FHIT: variants seen among roughly 807,000 people sequenced by gnomAD.
The protein encoded by FHIT is bis(5'-adenosyl)-triphosphatase.
A neutral mutation model predicts 17.9 loss-of-function variants in FHIT; 19 were observed. That is an observed-to-expected ratio of 1.06 (90% CI 0.74 to 1.56). The LOEUF is 1.56. Ranked by LOEUF, FHIT falls within the 40% of genes most tolerant of loss-of-function variation. FHIT has a pLI of 0.00. For synonymous variants in FHIT, 81 were observed against 69.7 expected (o/e 1.16, Z -0.81); for missense variants, 248 against 189.2 (o/e 1.31, Z -1.82).
intron 2 of FHIT, among the ~76,000 whole-genome samples, chr3:61,163,123 C>G (rs539968852): frequency 1.7e-4 from 26 of 152,246 alleles, no homozygotes; most frequent in African/African-American, 6.3e-4. Flanking sequence ...CATTTCCCAG[C>G]CTGGAATGTT....
At chr3:59,900,229 G>T (rs562331710) in intron 8 of FHIT, among the ~76,000 whole-genome samples, 10 of 152,264 alleles carry the variant, frequency 6.6e-5, no homozygotes, top group South Asian at 2.1e-4. Flanking sequence ...GGTGGCTCCA[G>T]CCCCAGACTC....
chr3:59,925,333 T>C (rs1407226738), intron 7 of FHIT, among the ~76,000 whole-genome samples: 1 of 152,146 alleles, frequency 6.6e-6, no homozygotes, highest in Non-Finnish European at 1.5e-5. Context: ...CTCAAACTCC[T>C]GGCCTCAAGC....
chr3:60,878,120 T>TCCTATTC lies in FHIT; in HGVS notation c.-110-56116_-110-56110dup, dbSNP rs1553756923. ...TTCCCAGAGCTGAGCCAGGGCTGTATCCTATTCCCCAGGGGTAGAATCACA... is the reference window on the plus strand; with the variant it reads ...TTCCCAGAGCTGAGCCAGGGCTGTATCCTATTCCCTATTCCCCAGGGGTAGAATCACA... On this transcript the variant is annotated intron_variant, in intron 3 of 9. Transcript: ENST00000492590. 3.3e-5 allele frequency among the ~76,000 whole-genome samples: 5 copies of TCCTATTC among 152,228 alleles called. No homozygotes were observed. The South Asian group carries it at 1.0e-3, about 32-fold the overall frequency.
At chr3:60,430,626 C>T (rs1559906693) in intron 5 of FHIT, among the ~76,000 whole-genome samples, 1 of 152,048 alleles carries the variant, frequency 6.6e-6, no homozygotes, top group Non-Finnish European at 1.5e-5. Flanking sequence ...ATACTTCACT[C>T]TTCACTGTAT....
intron 3 of FHIT, among the ~76,000 whole-genome samples, chr3:61,030,874 G>C (rs890165274): frequency 6.6e-6 from 1 of 152,164 alleles, no homozygotes; most frequent in African/African-American, 2.4e-5. Flanking sequence ...CCCTAGGGCA[G>C]GTCTGTTTCC....
At chr3:61,241,634 C>T (rs1368651878) in intron 1 of FHIT, among the ~76,000 whole-genome samples, 1 of 152,118 alleles carries the variant, frequency 6.6e-6, no homozygotes, top group East Asian at 1.9e-4. Context: ...ACTCCAGTAG[C>T]TGTGAGTCTG....
intron 4 of FHIT, among the ~76,000 whole-genome samples, chr3:60,603,332 G>A (rs1261788498): frequency 6.6e-6 from 1 of 151,960 alleles, no homozygotes; most frequent in Non-Finnish European, 1.5e-5. Flanking sequence ...GTTAAATTCA[G>A]GTAAAATTAA....
intron 7 of FHIT, among the ~76,000 whole-genome samples, chr3:59,980,151 A>G (rs1461312826): frequency 6.6e-6 from 1 of 152,120 alleles, no homozygotes; most frequent in Non-Finnish European, 1.5e-5. Flanking sequence ...ACACTATCTA[A>G]AGAAACTGAA....
chr3:60,544,596 A>AT (rs33965820), intron 4 of FHIT, among the ~76,000 whole-genome samples: 34,001 of 124,272 alleles, frequency 0.27, 5,891 homozygotes, highest in South Asian at 0.41. Flanking sequence ...TTCTCAACCT[A>AT]TTTTTTTTTT....
intron 5 of FHIT, among the ~76,000 whole-genome samples, chr3:60,446,128 T>C (rs767125088): frequency 1.3e-5 from 2 of 152,130 alleles, no homozygotes; most frequent in Non-Finnish European, 2.9e-5. Flanking sequence ...AATGGAGTTC[T>C]TGAGAGTCCT....
Position 60,123,798 on chromosome 3 carries a change from T to C in FHIT, c.104-109646A>G, listed in dbSNP as rs535577857. On this transcript the variant is annotated intron_variant, in intron 5 of 9. Coordinates refer to ENST00000492590, the MANE Select transcript of FHIT (RefSeq NM_002012.4). The stretch of plus-strand genomic sequence containing the variant: ...CTGCAAGTGCTGCTAAAATAATTTA[T>C]AATCTATCATTATACTTCAGTAGTG... Among the ~76,000 whole-genome samples, 49 of 151,282 alleles carry C rather than the reference T, an allele frequency of 3.2e-4. 1 individual carries two copies. In the South Asian group the frequency reaches 0.01, roughly 31 times the overall value.
intron 4 of FHIT, among the ~76,000 whole-genome samples, chr3:60,753,410 G>A (rs566259045): frequency 3.9e-5 from 6 of 152,128 alleles, no homozygotes; most frequent in Non-Finnish European, 8.8e-5. Flanking sequence ...GGAGAGAAAT[G>A]GCTGGCAGAG....
At chr3:60,071,930 G>A (rs531218638) in intron 5 of FHIT, among the ~76,000 whole-genome samples, 2 of 152,212 alleles carry the variant, frequency 1.3e-5, no homozygotes, top group East Asian at 1.9e-4. Flanking sequence ...CATGTAAGAC[G>A]TTCCTTTGCT....
chr3:60,347,680 G>GT lies in FHIT; in HGVS notation c.103+189179_103+189180insA, dbSNP rs1231372630. Among the ~76,000 whole-genome samples the GT allele has an allele frequency of 4.8e-4, 69 of 144,946 alleles. 5 individuals carry two copies. The highest frequency in any genetic ancestry group is 1.6e-3 in the Admixed American group (23 of 14,566). ...TCTTCAGATCACCACTGGTTTGGGG[G>GT]GGGGGGGGGTTTGTTTTTTGTTTTG... On this transcript the variant is annotated intron_variant, in intron 5 of 9. Coordinates refer to ENST00000492590, the MANE Select transcript of FHIT (RefSeq NM_002012.4).
At chr3:61,022,582 GA>G (rs1428403524) in intron 3 of FHIT, among the ~76,000 whole-genome samples, 1 of 152,208 alleles carries the variant, frequency 6.6e-6, no homozygotes, top group Non-Finnish European at 1.5e-5. Flanking sequence ...GAACATCAAT[GA>G]GAAAATCTTC....
intron 5 of FHIT, among the ~76,000 whole-genome samples, chr3:60,035,108 C>T (rs138648729): frequency 9.3e-4 from 142 of 152,262 alleles, no homozygotes; most frequent in Middle Eastern, 3.4e-3. Flanking sequence ...CTGCTTATGA[C>T]GGGGAGAGTC....
chr3:61,249,933 A>AACACACACAC lies in FHIT; in HGVS notation c.-213+1358_-213+1367dup, dbSNP rs71100943. Among the ~76,000 whole-genome samples, 185 of 126,116 alleles carry AACACACACAC rather than the reference A, an allele frequency of 1.5e-3. 1 individual carries two copies. The highest frequency in any genetic ancestry group is 4.0e-3 in the Middle Eastern group (1 of 248). The allele number at this position is 126,116 out of a possible 152,430, so 82.7% of individuals were successfully genotyped here. A position where few individuals can be genotyped will look rare whatever the true frequency, so the allele number is the denominator to read the frequency against. ...TAGAACAGCATATGCAATCAATAAC[A>AACACACACAC]ACACACACACACACACACACACACA... On this transcript the variant is annotated intron_variant, in intron 1 of 9. Transcript: ENST00000492590.
chr3:59,910,611 C>A (rs1194195621), intron 8 of FHIT, among the ~76,000 whole-genome samples: 4 of 151,996 alleles, frequency 2.6e-5, no homozygotes, highest in African/African-American at 9.7e-5. Context: ...TAGGTATGTT[C>A]ATTTTTAGCA....
chr3:60,164,845 T>G (rs1701098268), intron 5 of FHIT, among the ~76,000 whole-genome samples: 1 of 152,128 alleles, frequency 6.6e-6, no homozygotes, highest in African/African-American at 2.4e-5. Flanking sequence ...CTTGCCTAAT[T>G]ATACCTACGT....
Sources: gnomAD v4.1 joint callset for allele counts (sites outside exome capture counted in the v4.1 genomes callset) on GRCh38, gnomAD v4.1.1 for gene constraint, MANE v1.5 for transcripts, NCBI Gene and HGNC (gene_info 2026-07-23, HGNC 2026-07-21) for gene names.